The following MOB1A variants were observed in gnomAD, a reference collection of about 807,000 sequenced individuals.
The protein encoded by MOB1A is MOB1 Mps One Binder homolog A.
A neutral mutation model predicts 25.1 loss-of-function variants in MOB1A; 10 were observed. The ratio of observed to expected loss-of-function variants is 0.40; its 90% CI spans 0.25 to 0.68. The LOEUF is 0.68. MOB1A is among the 30% of genes least tolerant of loss of function. The pLI is 0.40. For synonymous variants in MOB1A, 81 were observed against 79.5 expected, an observed-to-expected ratio of 1.02 and a Z score of -0.10; for missense variants, 177 against 256.3, an observed-to-expected ratio of 0.69 and a Z score of 2.11.
chr2:74,176,017 G>A (rs906752915), intron 1 of MOB1A, among the ~76,000 whole-genome samples: 13 of 151,414 alleles, frequency 8.6e-5, no homozygotes, highest in South Asian at 4.2e-4. Flanking sequence ...AGGGCAAGGC[G>A]GGTGGATCAC....
At chr2:74,173,397 T>TG (rs1693354441) in intron 1 of MOB1A, among the ~76,000 whole-genome samples, 1 of 132,528 alleles carries the variant, frequency 7.5e-6, no homozygotes. Context: ...TTTTTTTTTT[T>TG]TGAGATGTAG....
chr2:74,159,644 A>G (rs573900137), intron 4 of MOB1A, among the ~76,000 whole-genome samples: 57 of 152,270 alleles, frequency 3.7e-4, no homozygotes, highest in African/African-American at 1.1e-3. Context: ...TCATAAATAC[A>G]CACAAACCTA....
Position 74,152,814 on chromosome 2 carries a change from TATA to T in MOB1A, c.*3751_*3753del, listed in dbSNP as rs1351455402. The T allele has an allele frequency of 1.3e-5, 2 of 152,236 alleles. No individual in the cohort carries two copies. Among genetic ancestry groups the T allele is most frequent in the East Asian group, 3.8e-4 (2 of 5,202 alleles). The allele number at this position is 152,236 out of a possible 1,614,324, so 9.4% of individuals were successfully genotyped here. A position where few individuals can be genotyped will look rare whatever the true frequency, so the allele number is the denominator to read the frequency against. ...TTTGATGTAGAATAGAATGCTGTTC[TATA>T]ATAAGAAGTCTGTAGCACACTGGTA... On this transcript the variant is annotated 3_prime_UTR_variant, in exon 6 of 6. Coordinates refer to ENST00000396049, the MANE Select transcript of MOB1A (RefSeq NM_018221.5).
At chr2:74,171,175 G>C (rs1037569644) in intron 2 of MOB1A, among the ~76,000 whole-genome samples, 9 of 151,914 alleles carry the variant, frequency 5.9e-5, no homozygotes, top group Admixed American at 1.3e-4. Flanking sequence ...TCAGCTACTG[G>C]GGAGGCTGAG....
At chr2:74,160,978 G>C (rs1692951679) in intron 4 of MOB1A, among the ~76,000 whole-genome samples, 1 of 151,960 alleles carries the variant, frequency 6.6e-6, no homozygotes, top group Non-Finnish European at 1.5e-5. Flanking sequence ...AGAATCGCTT[G>C]AACCCAGGAG....
chr2:74,177,669 T>TA lies in MOB1A; in HGVS notation c.14+991dup, dbSNP rs139471838. Among the ~76,000 whole-genome samples the TA allele has an allele frequency of 1.7e-3, 256 of 147,996 alleles. 2 individuals are homozygous for TA. The highest frequency in any genetic ancestry group is 0.011 in the Admixed American group (160 of 14,838). ...GTGGGTAAACTCTGGTTATAAAAAA[T>TA]AAAAAAAAAACTATATAGTGTTTTT... On this transcript the variant is annotated intron_variant, in intron 1 of 5. Coordinates refer to ENST00000396049, the MANE Select transcript of MOB1A (RefSeq NM_018221.5).
chr2:74,160,065 C>T (rs1448375469), intron 4 of MOB1A, among the ~76,000 whole-genome samples: 1 of 152,164 alleles, frequency 6.6e-6, no homozygotes. Context: ...GATCTGCCTG[C>T]CTTGGCTTCC....
intron 1 of MOB1A, 44 bp from the exon 2 acceptor site, chr2:74,172,796 AGTAGAACAG>A: frequency 6.4e-7 from 1 of 1,567,072 alleles, no homozygotes; most frequent in Non-Finnish European, 8.7e-7. Context: ...TAAGACTGGA[AGTAGAACAG>A]GTAGAACAAC....
intron 5 of MOB1A, among the ~76,000 whole-genome samples, chr2:74,157,295 C>T (rs1181224380): frequency 6.6e-6 from 1 of 152,008 alleles, no homozygotes; most frequent in Admixed American, 6.5e-5. Context: ...TAGCTGAACA[C>T]GTGGAGGTTC....
At position 74,178,781 on chromosome 2, in the gene MOB1A, C is replaced by T; in HGVS notation, c.-107G>A. 3.9e-6 allele frequency: 1 copy of T among 257,098 alleles called. No individual in the cohort carries two copies. Among genetic ancestry groups the T allele is most frequent in the African/African-American group, 2.3e-5 (1 of 43,396 alleles). 15.9% of individuals were successfully genotyped at this position (257,098 alleles called of 1,614,324 possible). On this transcript the variant is annotated 5_prime_UTR_variant, in exon 1 of 6. Transcript: ENST00000396049. Reference sequence around the variant, plus strand: ...TCCTTAGCTCACGGGCAGCGGAAGCCGGGCCGCCGCCGCTCGGAGCCGGGT... The same window carrying T: ...TCCTTAGCTCACGGGCAGCGGAAGCTGGGCCGCCGCCGCTCGGAGCCGGGT...
chr2:74,165,401 T>C, intron 3 of MOB1A, 50 bp from the exon 4 acceptor site: 1 of 1,184,236 alleles, frequency 8.4e-7, no homozygotes, highest in Non-Finnish European at 1.1e-6. Flanking sequence ...TATTAACAAA[T>C]GTGCAAGTTG....
intron 4 of MOB1A, among the ~76,000 whole-genome samples, chr2:74,163,421 G>A (rs935855255): frequency 6.6e-6 from 1 of 152,110 alleles, no homozygotes; most frequent in African/African-American, 2.4e-5. Flanking sequence ...AGGGATGCTT[G>A]AGCCCTGGAG....
chr2:74,175,698 C>T (rs1054455112), intron 1 of MOB1A, among the ~76,000 whole-genome samples: 1 of 152,110 alleles, frequency 6.6e-6, no homozygotes, highest in South Asian at 2.1e-4. Context: ...AAGTATGGTA[C>T]ATCCATATCA....
chr2:74,165,659 CTGGGCA>C (rs1693109596), intron 3 of MOB1A, among the ~76,000 whole-genome samples: 1 of 152,192 alleles, frequency 6.6e-6, no homozygotes, highest in Admixed American at 6.5e-5. Context: ...TTGCTGAGGG[CTGGGCA>C]TGGAGCCGAT....
Position 74,172,830 on chromosome 2 carries a change from A to T in MOB1A, c.15-78T>A, listed in dbSNP as rs939686276. 4 of 1,408,232 alleles carry T rather than the reference A, an allele frequency of 2.8e-6. No homozygotes were observed. In the African/African-American group the frequency reaches 5.7e-5, roughly 20 times the overall value. 87.2% of individuals were successfully genotyped at this position (1,408,232 alleles called of 1,614,324 possible). A position where few individuals can be genotyped will look rare whatever the true frequency, so the allele number is the denominator to read the frequency against. On this transcript the variant is annotated intron_variant, in intron 1 of 5. Coordinates refer to ENST00000396049, the MANE Select transcript of MOB1A (RefSeq NM_018221.5). ...GGTAGAACAACATAATTTTAGGTAT[A>T]TAAAGTAGCCTGTAAAAATAAAATA...
At chr2:74,158,182 A>AC (rs1692855072) in intron 5 of MOB1A, among the ~76,000 whole-genome samples, 1 of 109,580 alleles carries the variant, frequency 9.1e-6, no homozygotes, top group Non-Finnish European at 1.7e-5. Flanking sequence ...TCTGTCTCCA[A>AC]AAAAAAAAAA....
Position 74,173,948 on chromosome 2 carries a change from CAAA to C in MOB1A, c.15-1199_15-1197del, listed in dbSNP as rs773447145. ...TGGGCGACAGAGCGAAACTCCGTCT[CAAA>C]AAAAAAAAAAAAAAAAAAGAAAATG... On this transcript the variant is annotated intron_variant, in intron 1 of 5. Coordinates refer to ENST00000396049, the MANE Select transcript of MOB1A (RefSeq NM_018221.5). Among the ~76,000 whole-genome samples the C allele has an allele frequency of 2.7e-3, 151 of 56,202 alleles. 2 individuals carry two copies. Among genetic ancestry groups the C allele is most frequent in the African/African-American group, 0.011 (141 of 12,978 alleles). 36.9% of individuals were successfully genotyped at this position (56,202 alleles called of 152,430 possible). A position where few individuals can be genotyped will look rare whatever the true frequency, so the allele number is the denominator to read the frequency against.
intron 2 of MOB1A, among the ~76,000 whole-genome samples, chr2:74,171,306 A>T (rs189242576): frequency 6.8e-4 from 104 of 152,120 alleles, no homozygotes; most frequent in Non-Finnish European, 1.2e-3. Flanking sequence ...AAATAAAAAA[A>T]AAATAAAAAA....
chr2:74,164,651 C>G (rs1212977639), intron 4 of MOB1A: 1 of 151,940 alleles, frequency 6.6e-6, no homozygotes, highest in Non-Finnish European at 1.5e-5. Context: ...AGGTTGTGTA[C>G]AGCAAAAATA....
Sources: allele counts gnomAD v4.1 joint callset (sites outside exome capture counted in the v4.1 genomes callset), GRCh38; gene constraint gnomAD v4.1.1; transcripts MANE v1.5; gene names NCBI Gene and HGNC (gene_info 2026-07-23, HGNC 2026-07-21).